Variants in RAB27A observed in about 807,000 individuals in gnomAD.
RAB27A encodes RAB27A, member RAS oncogene family.
A neutral mutation model predicts 20.8 loss-of-function variants in RAB27A; 17 were observed. The ratio of observed to expected loss-of-function variants is 0.82; its 90% CI spans 0.56 to 1.23. The LOEUF (loss-of-function observed/expected upper bound fraction) is 1.23, where lower values mean the gene tolerates loss of function less well. RAB27A is among the 50% of genes most tolerant of loss of function. RAB27A has a pLI of 0.00. For missense variants in RAB27A, 277 were observed against 266.7 expected, an observed-to-expected ratio of 1.04 and a Z score of -0.27; for synonymous variants, 85 against 92.8, an observed-to-expected ratio of 0.92 and a Z score of 0.48.
rs112757960 is a variant in RAB27A, at chr15:55,262,641, G to GTTTTT, written c.-23+7519_-23+7523dup. Among the ~76,000 whole-genome samples, 160 of 142,878 alleles carry GTTTTT rather than the reference G, an allele frequency of 1.1e-3. 1 individual carries two copies. The highest frequency in any genetic ancestry group is 0.011 in the East Asian group (51 of 4,830). The allele number at this position is 142,878 out of a possible 152,430, so 93.7% of individuals were successfully genotyped here. A position where few individuals can be genotyped will look rare whatever the true frequency, so the allele number is the denominator to read the frequency against. ...TTATCTCTTTTTTTTCTTTTTTTTT[G>GTTTTT]TTTTTTTTTGAGACAAGATCTCACT... On this transcript the variant is annotated intron_variant, in intron 2 of 6. Transcript: ENST00000336787.
chr15:55,314,422 A>G (rs1464881246), intron 1 of RAB27A, among the ~76,000 whole-genome samples: 1 of 152,186 alleles, frequency 6.6e-6, no homozygotes, highest in African/African-American at 2.4e-5. Flanking sequence ...AGTACTGGCC[A>G]GGGAATCAGG....
intron 1 of RAB27A, among the ~76,000 whole-genome samples, chr15:55,288,121 A>C (rs1423443392): frequency 6.6e-6 from 1 of 152,230 alleles, no homozygotes; most frequent in Non-Finnish European, 1.5e-5. Flanking sequence ...ATGAAATGTA[A>C]GAGCTAAAAA....
chr15:55,205,093 G>A lies in RAB27A; in HGVS notation c.*414C>T. 1 of 229,626 alleles carries A rather than the reference G, an allele frequency of 4.4e-6. No homozygotes were observed. Among genetic ancestry groups the A allele is most frequent in the South Asian group, 5.8e-5 (1 of 17,284 alleles). The allele number at this position is 229,626 out of a possible 1,614,324, so 14.2% of individuals were successfully genotyped here. A position where few individuals can be genotyped will look rare whatever the true frequency, so the allele number is the denominator to read the frequency against. On this transcript the variant is annotated 3_prime_UTR_variant, in exon 7 of 7. Transcript: ENST00000336787. ...CCTATGGCATGAGTCTTCAAATCTG[G>A]ATTGAAGACTGTGGCGGTTTTATAA...
chr15:55,205,311 G>A lies in RAB27A; in HGVS notation c.*196C>T, dbSNP rs1894588134. The stretch of plus-strand genomic sequence containing the variant: ...CTGAAATATTTCTCCTAACTCTCAG[G>A]CTGAATCTTAAAGAAATATTTACAA... On this transcript the variant is annotated 3_prime_UTR_variant, in exon 7 of 7. Coordinates refer to ENST00000336787, the MANE Select transcript of RAB27A (RefSeq NM_183235.3). 3.1e-6 allele frequency: 2 copies of A among 644,028 alleles called. No individual in the cohort carries two copies. 39.9% of individuals were successfully genotyped at this position (644,028 alleles called of 1,614,324 possible).
chr15:55,216,682 G>C (rs1895322305), intron 6 of RAB27A, among the ~76,000 whole-genome samples: 1 of 152,102 alleles, frequency 6.6e-6, no homozygotes. Context: ...ATGAACATTG[G>C]TTTAATCCAC....
At chr15:55,253,898 T>G (rs1167560373) in intron 2 of RAB27A, among the ~76,000 whole-genome samples, 1 of 152,246 alleles carries the variant, frequency 6.6e-6, no homozygotes, top group Admixed American at 6.5e-5. Flanking sequence ...AAGATGTAAG[T>G]ATCCACGTGT....
At chr15:55,302,416 G>A (rs2141142742) in intron 2 of RAB27A, among the ~76,000 whole-genome samples, 1 of 152,106 alleles carries the variant, frequency 6.6e-6, no homozygotes, top group African/African-American at 2.4e-5. Context: ...CATGATCTCG[G>A]CTCACTACAA....
At chr15:55,294,633 G>C (rs2054939971), upstream of RAB27A, among the ~76,000 whole-genome samples, 1 of 143,036 alleles carries the variant, frequency 7.0e-6, no homozygotes, top group Non-Finnish European at 1.5e-5. Flanking sequence ...ATAAGGAATT[G>C]GACTCTTACC....
At chr15:55,315,789 CT>C (rs1386175374) in intron 1 of RAB27A, among the ~76,000 whole-genome samples, 2 of 152,286 alleles carry the variant, frequency 1.3e-5, no homozygotes, top group African/African-American at 4.8e-5. Flanking sequence ...AATACGAACG[CT>C]TTTACACTGT....
upstream of RAB27A, among the ~76,000 whole-genome samples, chr15:55,292,002 G>A (rs1338426043): frequency 6.6e-6 from 1 of 152,184 alleles, no homozygotes; most frequent in Non-Finnish European, 1.5e-5. Flanking sequence ...CAAGGGAGAA[G>A]AGAATTCCAG....
intron 1 of RAB27A, among the ~76,000 whole-genome samples, chr15:55,277,452 G>T (rs566575914): frequency 1.0e-3 from 152 of 152,268 alleles, no homozygotes; most frequent in African/African-American, 3.5e-3. Flanking sequence ...AGACCAGCCT[G>T]TTTGTCTCCA....
intron 2 of RAB27A, among the ~76,000 whole-genome samples, chr15:55,254,878 A>G (rs1897023768): frequency 6.6e-6 from 1 of 152,182 alleles, no homozygotes; most frequent in African/African-American, 2.4e-5. Context: ...GATTTTTGTG[A>G]CCCTTTTGGG....
At position 55,230,424 on chromosome 15, in the gene RAB27A, T is replaced by A. The variant is rs751907735; in HGVS notation, c.216A>T (p.Leu72Phe). ...ACCTCTCCTGCCCTGCTGTGTCCCATAACTGCAGGTGGATTCTCTGGCCTC... is the reference window on the plus strand; with the variant it reads ...ACCTCTCCTGCCCTGCTGTGTCCCAAAACTGCAGGTGGATTCTCTGGCCTC... ...TGRGQRIHLQLWDTAGQERFR... is the reference protein window; with the variant it reads ...TGRGQRIHLQFWDTAGQERFR... Residue 72 changes from leucine to phenylalanine, a missense_variant, in exon 4 of 7, where the codon TTA becomes TTT. Coordinates refer to ENST00000336787, the MANE Select transcript of RAB27A (RefSeq NM_183235.3). The A allele has an allele frequency of 6.2e-7, 1 of 1,613,464 alleles. No homozygotes were observed. The highest frequency in any genetic ancestry group is 1.1e-5 in the South Asian group (1 of 91,062).
intron 2 of RAB27A, among the ~76,000 whole-genome samples, chr15:55,307,716 T>G (rs1358448810): frequency 6.6e-6 from 1 of 150,788 alleles, no homozygotes; most frequent in African/African-American, 2.4e-5. Context: ...CCTGTGATTT[T>G]GGCATGTGGA....
intron 1 of RAB27A, chr15:55,317,766 T>C (rs949978539): frequency 1.0e-5 from 4 of 398,530 alleles, no homozygotes; most frequent in Middle Eastern, 6.3e-4. Context: ...CAAAAAGCAG[T>C]TGTGCAAAAG....
intron 6 of RAB27A, among the ~76,000 whole-genome samples, chr15:55,217,498 A>T (rs542009324): frequency 5.4e-5 from 5 of 92,772 alleles, no homozygotes; most frequent in Non-Finnish European, 1.1e-4. Flanking sequence ...CGTCTTTACT[A>T]AAAAAAATAT....
At chr15:55,224,115 A>G in intron 5 of RAB27A, 103 bp from the exon 6 acceptor site, 1 of 849,570 alleles carries the variant, frequency 1.2e-6, no homozygotes, top group Non-Finnish European at 1.9e-6. Context: ...ATGTATATAT[A>G]GATATTGGGA....
chr15:55,214,015 G>C (rs1053823399), intron 6 of RAB27A, among the ~76,000 whole-genome samples: 1 of 152,210 alleles, frequency 6.6e-6, no homozygotes, highest in African/African-American at 2.4e-5. Context: ...TATATGTGTA[G>C]GGACATAAGG....
chr15:55,214,886 G>A (rs1440233911), intron 6 of RAB27A, among the ~76,000 whole-genome samples: 1 of 152,048 alleles, frequency 6.6e-6, no homozygotes, highest in Non-Finnish European at 1.5e-5. Context: ...TAGAATTTTA[G>A]AATGAGATTT....
Sources: gnomAD v4.1 joint callset for allele counts (sites outside exome capture counted in the v4.1 genomes callset) on GRCh38, gnomAD v4.1.1 for gene constraint, MANE v1.5 for transcripts, NCBI Gene and HGNC (gene_info 2026-07-23, HGNC 2026-07-21) for gene names.